PTPRT: variants seen among roughly 807,000 people sequenced by gnomAD.
The protein encoded by PTPRT is protein tyrosine phosphatase receptor type T, also known as receptor-type tyrosine-protein phosphatase T.
In PTPRT, 56 loss-of-function variants were observed where a neutral mutation model predicts 176.8. The observed-to-expected ratio is 0.32, with a 90% CI of 0.26 to 0.40. The LOEUF (loss-of-function observed/expected upper bound fraction) is 0.40, where lower values mean the gene tolerates loss of function less well. Ranked by LOEUF, PTPRT falls within the 10% of genes least tolerant of loss-of-function variation. The pLI, the probability that PTPRT is intolerant of heterozygous loss-of-function variation, is 1.00. For synonymous variants in PTPRT, 783 were observed against 739.0 expected, an observed-to-expected ratio of 1.06 and a Z score of -0.96; for missense variants, 1,540 against 1,908.2, an observed-to-expected ratio of 0.81 and a Z score of 3.60.
At chr20:42,393,896 C>A (rs1360663736) in intron 9 of PTPRT, among the ~76,000 whole-genome samples, 1 of 152,150 alleles carries the variant, frequency 6.6e-6, no homozygotes, top group Non-Finnish European at 1.5e-5. Flanking sequence ...GGGTAGATAT[C>A]AACAGAATTG....
the PTPRT span, among the ~76,000 whole-genome samples, chr20:42,051,389 T>G: frequency 1.3e-5 from 2 of 152,198 alleles, no homozygotes; most frequent in African/African-American, 4.8e-5. Context: ...CAGGAAGCTC[T>G]ACAGAAAAAT....
chr20:42,171,206 G>A (rs1029268866), intron 16 of PTPRT, among the ~76,000 whole-genome samples: 1 of 152,116 alleles, frequency 6.6e-6, no homozygotes, highest in African/African-American at 2.4e-5. Context: ...AGCTGATAAA[G>A]CTAGTCAAGG....
chr20:42,245,903 C>A (rs2056441607), intron 14 of PTPRT, among the ~76,000 whole-genome samples: 1 of 152,152 alleles, frequency 6.6e-6, no homozygotes, highest in Admixed American at 6.5e-5. Flanking sequence ...GGAGAAGACC[C>A]AGGCAAGCTT....
intron 13 of PTPRT, among the ~76,000 whole-genome samples, chr20:42,268,718 C>T (rs868865986): frequency 2.0e-5 from 3 of 152,208 alleles, no homozygotes; most frequent in South Asian, 2.1e-4. Context: ...TTAAGGTAAT[C>T]TAACAGGGAG....
intron 1 of PTPRT, among the ~76,000 whole-genome samples, chr20:42,981,991 GAAGA>G (rs1300490816): frequency 6.6e-6 from 1 of 152,128 alleles, no homozygotes; most frequent in Non-Finnish European, 1.5e-5. Flanking sequence ...TAGACCGAGG[GAAGA>G]AGACATAGGT....
At chr20:42,871,465 A>G (rs1252359383) in intron 2 of PTPRT, among the ~76,000 whole-genome samples, 1 of 152,160 alleles carries the variant, frequency 6.6e-6, no homozygotes, top group African/African-American at 2.4e-5. Flanking sequence ...CCTTTGAAAC[A>G]CATTAGTTTT....
At chr20:42,363,292 ATATATATATTTTTTTTTT>A (rs1285961028) in intron 9 of PTPRT, among the ~76,000 whole-genome samples, 3 of 25,464 alleles carry the variant, frequency 1.2e-4, no homozygotes, top group African/African-American at 5.3e-4. Flanking sequence ...ATATATATAT[ATATATATATTTTTTTTTT>A]TTTTTTTTTT....
intron 14 of PTPRT, among the ~76,000 whole-genome samples, chr20:42,243,291 G>A (rs1036174871): frequency 6.6e-6 from 1 of 152,142 alleles, no homozygotes; most frequent in Non-Finnish European, 1.5e-5. Context: ...AGATGTCCAG[G>A]GGCAGATGAT....
chr20:42,620,711 C>T (rs527878585), intron 7 of PTPRT, among the ~76,000 whole-genome samples: 39 of 152,310 alleles, frequency 2.6e-4, no homozygotes, highest in East Asian at 5.8e-4. Flanking sequence ...TTTCCAGGTG[C>T]GTCAGTCACC....
intron 1 of PTPRT, among the ~76,000 whole-genome samples, chr20:43,046,071 T>C (rs1986825459): frequency 6.6e-6 from 1 of 151,924 alleles, no homozygotes; most frequent in Non-Finnish European, 1.5e-5. Flanking sequence ...TCATGCAGCA[T>C]CTCGCAGGCC....
chr20:42,578,108 A>G (rs1297348699), intron 7 of PTPRT, among the ~76,000 whole-genome samples: 2 of 151,966 alleles, frequency 1.3e-5, no homozygotes, highest in Non-Finnish European at 2.9e-5. Flanking sequence ...GATTGTGTCA[A>G]CTCTCTTGTT....
At chr20:43,046,851 G>C (rs1481992272) in intron 1 of PTPRT, among the ~76,000 whole-genome samples, 1 of 152,148 alleles carries the variant, frequency 6.6e-6, no homozygotes, top group African/African-American at 2.4e-5. Flanking sequence ...AAGGATAATG[G>C]GTTCAAATCT....
At chr20:42,425,866 C>T (rs984477036) in intron 9 of PTPRT, among the ~76,000 whole-genome samples, 3 of 152,202 alleles carry the variant, frequency 2.0e-5, no homozygotes, top group East Asian at 3.9e-4. Context: ...GGCAAATCAG[C>T]GTTATCAATG....
chr20:42,243,267 G>A (rs1206625164), intron 14 of PTPRT, among the ~76,000 whole-genome samples: 2 of 152,296 alleles, frequency 1.3e-5, no homozygotes, highest in African/African-American at 4.8e-5. Flanking sequence ...AAATACCTGA[G>A]GGATTTTCAA....
chr20:42,810,832 C>T (rs2077687666), intron 2 of PTPRT, among the ~76,000 whole-genome samples: 1 of 152,220 alleles, frequency 6.6e-6, no homozygotes, highest in Non-Finnish European at 1.5e-5. Context: ...GACGCTGCCT[C>T]TCCCCTTTGC....
At chr20:42,324,765 A>G (rs1339290734) in intron 11 of PTPRT, among the ~76,000 whole-genome samples, 1 of 152,232 alleles carries the variant, frequency 6.6e-6, no homozygotes, top group Non-Finnish European at 1.5e-5. Context: ...GCTGAAATTT[A>G]CAATGATATG....
chr20:42,546,244 G>A (rs2072671255), intron 7 of PTPRT, among the ~76,000 whole-genome samples: 1 of 152,104 alleles, frequency 6.6e-6, no homozygotes, highest in Non-Finnish European at 1.5e-5. Context: ...GCCACGTGGT[G>A]GAAGAAGATT....
chr20:42,895,189 A>C (rs949314839), intron 1 of PTPRT, among the ~76,000 whole-genome samples: 1 of 152,162 alleles, frequency 6.6e-6, no homozygotes, highest in African/African-American at 2.4e-5. Context: ...AACAATAGAC[A>C]TTTATTTTTA....
At chr20:42,316,038 T>A in intron 11 of PTPRT, 42 bp from the exon 12 acceptor site, 1 of 1,601,878 alleles carries the variant, frequency 6.2e-7, no homozygotes, top group Non-Finnish European at 8.5e-7. Flanking sequence ...AGCAACTTTC[T>A]GGAAGAATGA....
Sources: gnomAD v4.1 joint callset for allele counts (sites outside exome capture counted in the v4.1 genomes callset) on GRCh38, gnomAD v4.1.1 for gene constraint, MANE v1.5 for transcripts, NCBI Gene and HGNC (gene_info 2026-07-23, HGNC 2026-07-21) for gene names.